Variants in TPH1 observed in about 807,000 individuals in gnomAD.
TPH1 encodes tryptophan 5-hydroxylase 1.
A neutral mutation model predicts 49.5 loss-of-function variants in TPH1; 37 were observed. That is an observed-to-expected ratio of 0.75 (90% CI 0.58 to 0.98). The LOEUF (loss-of-function observed/expected upper bound fraction) is 0.98. Among genes scored for constraint, TPH1 ranks in the 50% least tolerant of loss-of-function variants. The pLI is 0.00. For synonymous variants in TPH1, 160 were observed against 182.1 expected, an observed-to-expected ratio of 0.88 and a Z score of 0.98; for missense variants, 487 against 523.6, an observed-to-expected ratio of 0.93 and a Z score of 0.68.
intron 6 of TPH1, among the ~76,000 whole-genome samples, chr11:18,027,230 C>T (rs1847938929): frequency 6.6e-6 from 1 of 152,150 alleles, no homozygotes; most frequent in African/African-American, 2.4e-5. Flanking sequence ...GTTCAGGAGA[C>T]CCCTGTAAGC....
At chr11:18,042,653 T>C (rs1297555981) in intron 1 of TPH1, among the ~76,000 whole-genome samples, 1 of 152,170 alleles carries the variant, frequency 6.6e-6, no homozygotes, top group African/African-American at 2.4e-5. Flanking sequence ...TACATAAAAC[T>C]CTTAGAACAG....
At chr11:18,045,084 T>C (rs1395380418) in intron 1 of TPH1, among the ~76,000 whole-genome samples, 1 of 152,174 alleles carries the variant, frequency 6.6e-6, no homozygotes, top group Non-Finnish European at 1.5e-5. Context: ...CTTAGTTTAA[T>C]CAGTAAAACA....
chr11:18,024,408 T>C (rs982933007), intron 8 of TPH1, among the ~76,000 whole-genome samples: 10 of 152,236 alleles, frequency 6.6e-5, no homozygotes, highest in South Asian at 2.1e-4. Context: ...ATAAACCTTT[T>C]TAATGTCTGG....
intron 1 of TPH1, among the ~76,000 whole-genome samples, chr11:18,044,293 G>GC (rs1166228824): frequency 6.6e-6 from 1 of 151,380 alleles, no homozygotes; most frequent in African/African-American, 2.4e-5. Flanking sequence ...GTGGTGGCGG[G>GC]CGCCTGTAGT....
chr11:18,045,230 A>G (rs1195399241), intron 1 of TPH1, among the ~76,000 whole-genome samples: 4 of 152,340 alleles, frequency 2.6e-5, no homozygotes, highest in Middle Eastern at 6.8e-3. Flanking sequence ...TCCTCTACGG[A>G]GTCTTGATTT....
chr11:18,022,748 G>A, intron 10 of TPH1, 50 bp downstream of exon 10: 1 of 1,603,412 alleles, frequency 6.2e-7, no homozygotes, highest in Middle Eastern at 1.7e-4. Context: ...ACCATAATGG[G>A]GCTGATCTTT....
chr11:18,022,940 C>T lies in TPH1; in HGVS notation c.1027-9G>A. Reference sequence around the variant, plus strand: ...TGTCCAGAAAGTGCATGCTAGAAGACAAAGAGTCAGTGAATCAAAGAATAA... The same window carrying T: ...TGTCCAGAAAGTGCATGCTAGAAGATAAAGAGTCAGTGAATCAAAGAATAA... On this transcript the variant is annotated splice_polypyrimidine_tract_variant and intron_variant, in intron 9 of 10. Coordinates refer to ENST00000682019, the MANE Select transcript of TPH1 (RefSeq NM_004179.3). 6.2e-7 allele frequency: 1 copy of T among 1,612,878 alleles called. No homozygotes were observed. Among genetic ancestry groups the T allele is most frequent in the Non-Finnish European group, 8.5e-7 (1 of 1,179,354 alleles).
At chr11:18,026,719 T>A in intron 6 of TPH1, 94 bp from the exon 7 acceptor site, 1 of 1,458,334 alleles carries the variant, frequency 6.9e-7, no homozygotes, top group Non-Finnish European at 9.6e-7. Context: ...AGTAACACGT[T>A]GATGGAAGGC....
chr11:18,044,447 T>C (rs920767746), intron 1 of TPH1, among the ~76,000 whole-genome samples: 1 of 152,092 alleles, frequency 6.6e-6, no homozygotes, highest in Non-Finnish European at 1.5e-5. Context: ...GAAACACTCC[T>C]CCTTGTTTAA....
At chr11:18,031,373 GT>G (rs1162507877) in intron 4 of TPH1, among the ~76,000 whole-genome samples, 8 of 152,130 alleles carry the variant, frequency 5.3e-5, no homozygotes, top group African/African-American at 1.9e-4. Context: ...GTTAATGGAT[GT>G]TTGGGTTGTT....
chr11:18,044,669 C>A (rs970678591), intron 1 of TPH1, among the ~76,000 whole-genome samples: 2 of 152,108 alleles, frequency 1.3e-5, no homozygotes, highest in Middle Eastern at 3.4e-3. Flanking sequence ...TAACCCCAAA[C>A]CGCTTTCAGA....
rs780822220 is a variant in TPH1, at chr11:18,022,778, G to T, written c.1160+20C>A. 1 of 1,611,224 alleles carries T rather than the reference G, an allele frequency of 6.2e-7. No homozygotes were observed. The highest frequency in any genetic ancestry group is 8.5e-7 in the Non-Finnish European group (1 of 1,178,308). ...ATCTTTCCCTGAAGAAAATGAAGGC[G>T]TGAAGAAGATATACTGTACCTCATC... is the stretch of plus-strand genomic sequence containing the variant. On this transcript the variant is annotated intron_variant, in intron 10 of 10. Transcript: ENST00000682019.
rs1427785546 is a variant in TPH1, at chr11:18,031,329, T to C, written c.403-1750A>G. ...TCTTTTTATGGCCAATAATATTTGC[T>C]TATATAAATATACCATGCTTCATCC... On this transcript the variant is annotated intron_variant, in intron 4 of 10. Coordinates refer to ENST00000682019, the MANE Select transcript of TPH1 (RefSeq NM_004179.3). Among the ~76,000 whole-genome samples, 3 of 152,230 alleles carry C rather than the reference T, an allele frequency of 2.0e-5. No individual in the cohort carries two copies. The East Asian group carries it at 5.8e-4, about 29-fold the overall frequency.
intron 2 of TPH1, among the ~76,000 whole-genome samples, chr11:18,036,370 C>T (rs1366130111): frequency 6.6e-6 from 1 of 152,200 alleles, no homozygotes; most frequent in Non-Finnish European, 1.5e-5. Flanking sequence ...TAAAATAACA[C>T]ACACTAGAGG....
rs755135821 is a variant in TPH1 at position 18,033,418 on chromosome 11, G to A, written c.302-44C>T. On this transcript the variant is annotated intron_variant, in intron 3 of 10. Coordinates refer to ENST00000682019, the MANE Select transcript of TPH1 (RefSeq NM_004179.3). ...AATAAAATAAAAACCAGTAAAAGTT[G>A]AAGAGATAATCTTAAACAAGACAAT... The A allele has an allele frequency of 2.2e-6, 3 of 1,385,796 alleles. No homozygotes were observed. In the African/African-American group the frequency reaches 4.3e-5, roughly 20 times the overall value. 85.8% of individuals were successfully genotyped at this position (1,385,796 alleles called of 1,614,324 possible). A position where few individuals can be genotyped will look rare whatever the true frequency, so the allele number is the denominator to read the frequency against.
rs764144445 is a variant in TPH1, at chr11:18,029,345, T to C, written c.487A>G (p.Lys163Glu). Residue 163 changes from lysine (K) to glutamate (E), a missense_variant, in exon 6 of 11, where the codon AAG (lysine) becomes GAG (glutamate). Coordinates refer to ENST00000682019, the MANE Select transcript of TPH1 (RefSeq NM_004179.3). ...ATCTCCTCTTCAGTGAATTCAACCT[T>C]TGGAATGGGGTCTCCACTAATGAGA... The part of the protein sequence containing the change: ...MNYKHGDPIP[K>E]VEFTEEEIKT... 1.2e-5 allele frequency: 19 copies of C among 1,613,886 alleles called. No individual in the cohort carries two copies. The highest frequency in any genetic ancestry group is 1.5e-5 in the Non-Finnish European group (18 of 1,179,944).
At chr11:18,026,650 G>A (rs552403509) in intron 6 of TPH1, 25 bp from the exon 7 acceptor site, 23 of 1,613,532 alleles carry the variant, frequency 1.4e-5, no homozygotes, top group African/African-American at 2.7e-5. Context: ...AGAAAACAAA[G>A]AAAATCTTTA....
At chr11:18,031,386 C>T (rs1462448142) in intron 4 of TPH1, among the ~76,000 whole-genome samples, 1 of 152,068 alleles carries the variant, frequency 6.6e-6, no homozygotes, top group African/African-American at 2.4e-5. Context: ...TGGGTTGTTT[C>T]CACTTTTTTG....
intron 1 of TPH1, chr11:18,041,140 A>G (rs1848095496): frequency 5.0e-6 from 1 of 198,792 alleles, no homozygotes; most frequent in African/African-American, 2.4e-5. Flanking sequence ...CCACAATCTT[A>G]GCACTTCATT....
Sources: gnomAD v4.1 joint callset for allele counts (sites outside exome capture counted in the v4.1 genomes callset) on GRCh38, gnomAD v4.1.1 for gene constraint, MANE v1.5 for transcripts, NCBI Gene and HGNC (gene_info 2026-07-23, HGNC 2026-07-21) for gene names.